Variants in NFKBIZ observed in about 807,000 individuals in gnomAD.
NFKBIZ encodes the protein NFKB inhibitor zeta.
A neutral mutation model predicts 76.8 loss-of-function variants in NFKBIZ; 19 were observed. That is an observed-to-expected ratio of 0.25 (90% CI 0.17 to 0.36). The LOEUF is 0.36. Ranked by LOEUF, NFKBIZ falls within the 10% of genes least tolerant of loss-of-function variation. The pLI is 1.00. For synonymous variants in NFKBIZ, 368 were observed against 354.8 expected (o/e 1.04, Z -0.42); for missense variants, 829 against 910.9 (o/e 0.91, Z 1.16).
At chr3:101,855,028 T>TTTAAAATATC in intron 6 of NFKBIZ, 34 bp from the exon 7 acceptor site, 7 of 1,560,304 alleles carry the variant, frequency 4.5e-6, no homozygotes, top group Non-Finnish European at 6.1e-6. Context: ...ACATTGTATG[T>TTTAAAATATC]TTAAAATATC....
chr3:101,835,563 C>A (rs1942708690), intron 2 of NFKBIZ, among the ~76,000 whole-genome samples: 1 of 152,170 alleles, frequency 6.6e-6, no homozygotes, highest in South Asian at 2.1e-4. Context: ...TTGTACATGG[C>A]CGCCTTCTCA....
chr3:101,846,226 G>A (rs1942848416), upstream of NFKBIZ, among the ~76,000 whole-genome samples: 1 of 152,186 alleles, frequency 6.6e-6, no homozygotes, highest in African/African-American at 2.4e-5. Flanking sequence ...GGCCTCAGTT[G>A]ACTTTTCCAG....
intron 2 of NFKBIZ, among the ~76,000 whole-genome samples, chr3:101,830,732 G>T (rs145929420): frequency 6.6e-6 from 1 of 152,118 alleles, no homozygotes; most frequent in Non-Finnish European, 1.5e-5. Flanking sequence ...CTGTTGATGG[G>T]CATCTAGGTT....
chr3:101,854,501 ATTTTT>A, intron 5 of NFKBIZ, 72 bp from the exon 6 acceptor site: 3 of 688,808 alleles, frequency 4.4e-6, no homozygotes, highest in Non-Finnish European at 7.1e-6. Context: ...CTAAAGGAAG[ATTTTT>A]TTTTTTTTTT....
Position 101,849,832 on chromosome 3 carries a change from C to A in NFKBIZ, c.204C>A (p.Ser68=). 1 of 1,474,244 alleles carries A rather than the reference C, an allele frequency of 6.8e-7. No individual in the cohort carries two copies. The highest frequency in any genetic ancestry group is 8.9e-7 in the Non-Finnish European group (1 of 1,120,408). 91.3% of individuals were successfully genotyped at this position (1,474,244 alleles called of 1,614,324 possible). A position where few individuals can be genotyped will look rare whatever the true frequency, so the allele number is the denominator to read the frequency against. The change falls in exon 1 of 12, where the codon TCC becomes TCA. Residue 68 remains serine, a synonymous_variant. Transcript: ENST00000326172. Reference sequence around the variant, plus strand: ...CCGGCTCGCCCGGCTCCGACTCCTCCGACTTCTCCTCTGCCTCGTCGGTGT... The same window carrying A: ...CCGGCTCGCCCGGCTCCGACTCCTCAGACTTCTCCTCTGCCTCGTCGGTGT... ...SAPGSPGSDS[S]DFSSASSVSS...
intron 1 of NFKBIZ, chr3:101,850,130 C>G (rs1020953966): frequency 2.3e-6 from 1 of 442,436 alleles, no homozygotes; most frequent in African/African-American, 2.0e-5. Context: ...CTCCCTCCCG[C>G]GGGCCTCGGG....
chr3:101,837,491 C>CAAAAAA (rs10713154), intron 2 of NFKBIZ, among the ~76,000 whole-genome samples: 1 of 93,120 alleles, frequency 1.1e-5, no homozygotes. Flanking sequence ...GATCCTGTCT[C>CAAAAAA]AAAAAAAAAA....
Position 101,839,124 on chromosome 3 carries a change from A to G in NFKBIZ, c.-12+9436A>G, listed in dbSNP as rs570567305. ...TTCTCCTCAGATCTTAAATATTTTT[A>G]TAACTAGTCTTTCTGTGTGGCACAC... On this transcript the variant is annotated intron_variant, in intron 2 of 12. Coordinates refer to the NFKBIZ transcript ENST00000394054. 2.0e-5 allele frequency among the ~76,000 whole-genome samples: 3 copies of G among 152,298 alleles called. No individual in the cohort carries two copies. In the East Asian group the frequency reaches 5.8e-4, roughly 29 times the overall value.
At chr3:101,847,480 T>C (rs1245603536), upstream of NFKBIZ, among the ~76,000 whole-genome samples, 2 of 152,220 alleles carry the variant, frequency 1.3e-5, no homozygotes, top group Non-Finnish European at 2.9e-5. Context: ...TTCTGAGAAA[T>C]GTGTCGTTAA....
At position 101,849,752 on chromosome 3, in the gene NFKBIZ, G is replaced by GC; in HGVS notation, c.126dup (p.Ala43ArgfsTer56). ...CTACTTCTACGGCGCGTCGCCGCCC[G>GC]CCGCCGCCCCGGGCGCCTGCGACGC... On this transcript the variant is annotated frameshift_variant, in exon 1 of 12. Transcript: ENST00000326172. LOFTEE classifies it high-confidence loss of function. The GC allele has an allele frequency of 6.9e-7, 1 of 1,449,490 alleles. No individual in the cohort carries two copies. The highest frequency in any genetic ancestry group is 9.0e-7 in the Non-Finnish European group (1 of 1,106,238). The allele number at this position is 1,449,490 out of a possible 1,614,324, so 89.8% of individuals were successfully genotyped here.
rs1197178410 is a variant in NFKBIZ, at chr3:101,849,520, G to T, written c.-109G>T. The T allele has an allele frequency of 2.0e-6, 2 of 1,001,390 alleles. No homozygotes were observed. The highest frequency in any genetic ancestry group is 1.7e-5 in the African/African-American group (1 of 58,700). The allele number at this position is 1,001,390 out of a possible 1,614,324, so 62.0% of individuals were successfully genotyped here. ...GCAGTCCCGCGCCGCGCCCGTACTG[G>T]CCCGCGCCGTCCGCCCGCCGACAGC... On this transcript the variant is annotated 5_prime_UTR_variant, in exon 1 of 12. Coordinates refer to ENST00000326172, the MANE Select transcript of NFKBIZ (RefSeq NM_031419.4).
chr3:101,855,376 C>CT lies in NFKBIZ; in HGVS notation c.1591-18dup, dbSNP rs771668182. On this transcript the variant is annotated intron_variant, in intron 7 of 11. Coordinates refer to ENST00000326172, the MANE Select transcript of NFKBIZ (RefSeq NM_031419.4). ...CGCAGCTTATGTAGCTAACAGATGTCTGTTTTTAAAATCTGCAGGCGATTC... is the reference window on the plus strand; with the variant it reads ...CGCAGCTTATGTAGCTAACAGATGTCTTGTTTTTAAAATCTGCAGGCGATTC... 13 of 1,613,912 alleles carry CT rather than the reference C, an allele frequency of 8.1e-6. No homozygotes were observed. Among genetic ancestry groups the CT allele is most frequent in the Non-Finnish European group, 1.1e-5 (13 of 1,179,820 alleles).
At chr3:101,838,796 C>T (rs1942754431) in intron 2 of NFKBIZ, among the ~76,000 whole-genome samples, 1 of 152,142 alleles carries the variant, frequency 6.6e-6, no homozygotes, top group Non-Finnish European at 1.5e-5. Flanking sequence ...TAAATTATCC[C>T]TTCATAAAAT....
At chr3:101,836,785 T>C (rs1336632674) in intron 2 of NFKBIZ, among the ~76,000 whole-genome samples, 5 of 152,338 alleles carry the variant, frequency 3.3e-5, no homozygotes, top group Admixed American at 3.3e-4. Context: ...TTTGTTTCTG[T>C]GTTTTCCCTT....
intron 2 of NFKBIZ, among the ~76,000 whole-genome samples, chr3:101,837,009 G>A (rs1323976980): frequency 6.6e-6 from 1 of 152,150 alleles, no homozygotes; most frequent in African/African-American, 2.4e-5. Context: ...TCTTTTCCCT[G>A]TATTTAAAGA....
chr3:101,852,790 A>G, intron 3 of NFKBIZ, 22 bp downstream of exon 3: 2 of 1,610,004 alleles, frequency 1.2e-6, no homozygotes, highest in Non-Finnish European at 1.7e-6. Flanking sequence ...TTGTATTTGT[A>G]ATTTTTTCAG....
At chr3:101,847,920 T>C (rs1942877089), upstream of NFKBIZ, among the ~76,000 whole-genome samples, 1 of 152,246 alleles carries the variant, frequency 6.6e-6, no homozygotes, top group African/African-American at 2.4e-5. Flanking sequence ...CTGGAGCTGG[T>C]GGCCCTGTTC....
upstream of NFKBIZ, chr3:101,848,895 G>A (rs1942892700): frequency 6.6e-6 from 1 of 152,198 alleles, no homozygotes; most frequent in Admixed American, 6.5e-5. Context: ...CTTTCAGTTC[G>A]GGATGTTGCC....
upstream of NFKBIZ, among the ~76,000 whole-genome samples, chr3:101,847,863 C>G (rs78512490): frequency 7.1e-4 from 108 of 152,306 alleles, no homozygotes; most frequent in East Asian, 0.019. Context: ...TCGTGTCCCC[C>G]CCTTCGTCCT....
Sources: gnomAD v4.1 joint callset for allele counts (sites outside exome capture counted in the v4.1 genomes callset) on GRCh38, gnomAD v4.1.1 for gene constraint, MANE v1.5 for transcripts, NCBI Gene and HGNC (gene_info 2026-07-23, HGNC 2026-07-21) for gene names.